The following SPMIP11 variants were observed in gnomAD, a reference collection of about 807,000 sequenced individuals.
The protein encoded by SPMIP11 is long intergenic non-protein coding RNA 935.
chr12:48,754,083 G>A, the SPMIP11 span, among the ~76,000 whole-genome samples: 5 of 152,062 alleles, frequency 3.3e-5, no homozygotes, highest in Admixed American at 6.6e-5. Context: ...CTTTCCAAAC[G>A]GATAAACCTT....
chr12:48,769,287 C>A, the SPMIP11 span, among the ~76,000 whole-genome samples: 1 of 151,812 alleles, frequency 6.6e-6, no homozygotes, highest in South Asian at 2.1e-4. Flanking sequence ...GTGGTACATG[C>A]CTGTAGTCCC....
the SPMIP11 span, among the ~76,000 whole-genome samples, chr12:48,747,342 G>A: frequency 6.6e-6 from 1 of 152,092 alleles, no homozygotes; most frequent in Admixed American, 6.6e-5. Flanking sequence ...GCAACAGCCT[G>A]AAGAATGAGG....
At chr12:48,727,560 G>A in the SPMIP11 span, 7,956 of 702,888 alleles carry the variant, frequency 0.011, 74 homozygotes, top group Non-Finnish European at 0.017. Context: ...GAAGAAACAA[G>A]TAAGGGGAAT....
At chr12:48,755,422 T>C in the SPMIP11 span, among the ~76,000 whole-genome samples, 87 of 152,310 alleles carry the variant, frequency 5.7e-4, no homozygotes, top group African/African-American at 2.1e-3. Context: ...AGTTTGGTTA[T>C]AAAGAGCTCA....
chr12:48,749,333 G>A, the SPMIP11 span, among the ~76,000 whole-genome samples: 1 of 149,150 alleles, frequency 6.7e-6, no homozygotes, highest in Non-Finnish European at 1.5e-5. Flanking sequence ...GTAGACATAA[G>A]AGTTGTCTGT....
At chr12:48,763,681 CTT>C in the SPMIP11 span, among the ~76,000 whole-genome samples, 58 of 137,398 alleles carry the variant, frequency 4.2e-4, no homozygotes, top group African/African-American at 1.0e-3. Context: ...AGTAAAAGTA[CTT>C]TTTTTTTTTT....
the SPMIP11 span, among the ~76,000 whole-genome samples, chr12:48,755,738 G>C: frequency 6.6e-6 from 1 of 152,218 alleles, no homozygotes; most frequent in South Asian, 2.1e-4. Flanking sequence ...AACATCATCT[G>C]CCTGTACCCT....
At chr12:48,735,003 CAAAA>C in the SPMIP11 span, among the ~76,000 whole-genome samples, 1 of 84,124 alleles carries the variant, frequency 1.2e-5, no homozygotes, top group African/African-American at 5.1e-5. Context: ...GACTCTGTCT[CAAAA>C]AAAAAAAAAA....
At chr12:48,764,222 C>G in the SPMIP11 span, among the ~76,000 whole-genome samples, 1 of 151,990 alleles carries the variant, frequency 6.6e-6, no homozygotes, top group Admixed American at 6.6e-5. Flanking sequence ...CTCCCGACCT[C>G]AGGTGATCTG....
At chr12:48,728,047 T>C in the SPMIP11 span, among the ~76,000 whole-genome samples, 20 of 91,398 alleles carry the variant, frequency 2.2e-4, no homozygotes, top group African/African-American at 7.7e-4. Context: ...CGAAACCATC[T>C]CAAAAAAAAA....
the SPMIP11 span, chr12:48,770,830 C>T: frequency 6.2e-7 from 1 of 1,614,254 alleles, no homozygotes; most frequent in South Asian, 1.1e-5. Flanking sequence ...CCATGAGCCG[C>T]ATGGCGTAGT....
chr12:48,744,606 C>T, the SPMIP11 span, among the ~76,000 whole-genome samples: 1 of 152,066 alleles, frequency 6.6e-6, no homozygotes, highest in Non-Finnish European at 1.5e-5. Context: ...GTGGCACACA[C>T]CTGTAATCCC....
chr12:48,753,692 C>CTTTTTTT, the SPMIP11 span, among the ~76,000 whole-genome samples: 28 of 118,822 alleles, frequency 2.4e-4, 1 homozygote, highest in Admixed American at 3.6e-4. Flanking sequence ...TTTTTTTTTT[C>CTTTTTTT]TTTTTTTTTT....
the SPMIP11 span, chr12:48,759,105 T>C: frequency 1.5e-6 from 1 of 648,946 alleles, no homozygotes; most frequent in East Asian, 2.7e-5. Context: ...TGTGAGTGGC[T>C]AGGAGAGATC....
chr12:48,764,797 TGAGCA>T, the SPMIP11 span: 1 of 691,110 alleles, frequency 1.4e-6, no homozygotes, highest in East Asian at 2.7e-5. Flanking sequence ...GGCAGAACAG[TGAGCA>T]GAGAACTTGA....
chr12:48,770,711 A>G, the SPMIP11 span: 1 of 1,566,052 alleles, frequency 6.4e-7, no homozygotes, highest in Non-Finnish European at 8.8e-7. Context: ...CTATAATCCC[A>G]GCTTCACCTG....
At chr12:48,769,136 C>G in the SPMIP11 span, 60 of 1,388,016 alleles carry the variant, frequency 4.3e-5, no homozygotes, top group Middle Eastern at 1.9e-4. Context: ...CCTCCTGGCA[C>G]TGGTAGAAGG....
chr12:48,735,666 G>A, the SPMIP11 span, among the ~76,000 whole-genome samples: 32,916 of 152,134 alleles, frequency 0.22, 4,477 homozygotes, highest in Non-Finnish European at 0.32. Flanking sequence ...GGGAGGCCAA[G>A]GAGGGTGGAT....
the SPMIP11 span, chr12:48,765,032 G>A: frequency 1.5e-6 from 1 of 688,452 alleles, no homozygotes; most frequent in Non-Finnish European, 2.7e-6. Context: ...GAGGTCAAGG[G>A]AAGTACTCCT....
Sources: gnomAD v4.1 joint callset for allele counts (sites outside exome capture counted in the v4.1 genomes callset) on GRCh38, gnomAD v4.1.1 for gene constraint, MANE v1.5 for transcripts, NCBI Gene and HGNC (gene_info 2026-07-23, HGNC 2026-07-21) for gene names.